PLCG2: variants seen among roughly 807,000 people sequenced by gnomAD.
PLCG2 encodes the protein 1-phosphatidylinositol 4,5-bisphosphate phosphodiesterase gamma-2.
A neutral mutation model predicts 175.6 loss-of-function variants in PLCG2; 69 were observed. The observed-to-expected ratio is 0.39, with a 90% CI of 0.32 to 0.48. The LOEUF (loss-of-function observed/expected upper bound fraction) is 0.48, where lower values mean the gene tolerates loss of function less well. PLCG2 is among the 20% of genes least tolerant of loss of function. The pLI, the probability that PLCG2 is intolerant of heterozygous loss-of-function variation, is 0.91. For synonymous variants in PLCG2, 827 were observed against 624.0 expected (o/e 1.33, Z -4.85); for missense variants, 1,798 against 1,650.9 (o/e 1.09, Z -1.54).
At chr16:81,844,205 G>C (rs547279906) in intron 2 of PLCG2, among the ~76,000 whole-genome samples, 1 of 146,604 alleles carries the variant, frequency 6.8e-6, no homozygotes, top group African/African-American at 2.5e-5. Context: ...GTGTTAGCCA[G>C]GATGGTCTCT....
chr16:81,847,577 C>T lies in PLCG2; in HGVS notation c.194-6867C>T, dbSNP rs116799253. ...TCCAAGGGTGTTAGGGGTTGTGTGCCAGAAAATGGGGTTGGAGACCAAATA... is the reference window on the plus strand; with the variant it reads ...TCCAAGGGTGTTAGGGGTTGTGTGCTAGAAAATGGGGTTGGAGACCAAATA... On this transcript the variant is annotated intron_variant, in intron 2 of 32. Coordinates refer to ENST00000564138, the MANE Select transcript of PLCG2 (RefSeq NM_002661.5). Among the ~76,000 whole-genome samples the T allele has an allele frequency of 3.4e-3, 511 of 152,176 alleles. 5 individuals carry two copies. Among genetic ancestry groups the T allele is most frequent in the African/African-American group, 0.012 (486 of 41,510 alleles).
chr16:81,955,586 G>T (rs888245263), intron 31 of PLCG2, among the ~76,000 whole-genome samples: 1 of 152,174 alleles, frequency 6.6e-6, no homozygotes, highest in Non-Finnish European at 1.5e-5. Context: ...TCTTGTTTCA[G>T]TCATGGCTGA....
intron 2 of PLCG2, among the ~76,000 whole-genome samples, chr16:81,787,815 A>G (rs1911049738): frequency 6.6e-6 from 1 of 152,142 alleles, no homozygotes; most frequent in Non-Finnish European, 1.5e-5. Flanking sequence ...TTTCATAGAA[A>G]TGGATCCTAT....
intron 6 of PLCG2, among the ~76,000 whole-genome samples, chr16:81,869,539 AC>A: frequency 1.3e-5 from 2 of 152,248 alleles, no homozygotes; most frequent in Middle Eastern, 3.4e-3. Context: ...TGGAACATCT[AC>A]CCTCAGACCT....
chr16:81,863,523 CTGTT>C (rs751495366), intron 5 of PLCG2, among the ~76,000 whole-genome samples: 12 of 152,204 alleles, frequency 7.9e-5, no homozygotes, highest in Non-Finnish European at 1.3e-4. Flanking sequence ...GTGTACAAAT[CTGTT>C]TGAGTCTCTG....
chr16:81,888,395 T>A (rs1426823787), intron 9 of PLCG2, among the ~76,000 whole-genome samples: 3 of 150,446 alleles, frequency 2.0e-5, no homozygotes, highest in South Asian at 2.1e-4. Context: ...AAAAAAAAAA[T>A]GTTTGTATTT....
intron 24 of PLCG2, 182 bp downstream of exon 24, chr16:81,928,806 T>A: frequency 1.8e-6 from 1 of 549,298 alleles, no homozygotes. Flanking sequence ...TGTCTGCTAT[T>A]AATCTCTACT....
intron 15 of PLCG2, 68 bp downstream of exon 15, chr16:81,905,575 T>A: frequency 9.9e-7 from 1 of 1,005,604 alleles, no homozygotes; most frequent in Non-Finnish European, 1.6e-6. Context: ...GGAGCCCTGC[T>A]GGGAGCTCTG....
intron 1 of PLCG2, among the ~76,000 whole-genome samples, chr16:81,740,796 T>A (rs1216172503): frequency 7.0e-6 from 1 of 142,002 alleles, no homozygotes; most frequent in Non-Finnish European, 1.5e-5. Flanking sequence ...AAGCTTCCTC[T>A]TCCCACTGTG....
chr16:81,785,426 A>G (rs1048627857), intron 1 of PLCG2, among the ~76,000 whole-genome samples: 10 of 151,980 alleles, frequency 6.6e-5, no homozygotes, highest in East Asian at 1.9e-4. Flanking sequence ...CCTCATTTCT[A>G]TGCAGAGGAA....
intron 2 of PLCG2, among the ~76,000 whole-genome samples, chr16:81,848,604 C>T (rs996506094): frequency 6.6e-6 from 1 of 152,176 alleles, no homozygotes; most frequent in African/African-American, 2.4e-5. Flanking sequence ...CCTCCTCTGT[C>T]CTTCTTCCTC....
intron 2 of PLCG2, among the ~76,000 whole-genome samples, chr16:81,789,207 A>ACAG (rs1236969583): frequency 4.1e-4 from 63 of 152,370 alleles, no homozygotes; most frequent in African/African-American, 1.5e-3. Flanking sequence ...TGGGCATGAG[A>ACAG]CAGGATTTTG....
At chr16:81,858,395 T>G in intron 4 of PLCG2, 39 bp downstream of exon 4, 1 of 1,347,058 alleles carries the variant, frequency 7.4e-7, no homozygotes, top group Non-Finnish European at 1.1e-6. Context: ...TAGTTGCTGA[T>G]TCCTTTATTC....
intron 2 of PLCG2, among the ~76,000 whole-genome samples, chr16:81,813,077 G>C (rs373135056): frequency 6.6e-6 from 1 of 152,154 alleles, no homozygotes; most frequent in Non-Finnish European, 1.5e-5. Flanking sequence ...GTTGACCATA[G>C]CCTTGTAGTA....
At chr16:81,789,393 T>G (rs188561904) in intron 2 of PLCG2, among the ~76,000 whole-genome samples, 8 of 152,320 alleles carry the variant, frequency 5.3e-5, no homozygotes, top group Middle Eastern at 6.8e-3. Flanking sequence ...TGGGCTCAAG[T>G]GATCCTCCTG....
At position 81,933,906 on chromosome 16, in the gene PLCG2, G is replaced by A. The variant is rs75575323; in HGVS notation, c.2740-523G>A. 4.1e-3 allele frequency among the ~76,000 whole-genome samples: 628 copies of A among 152,336 alleles called. 4 individuals are homozygous for A. Among genetic ancestry groups the A allele is most frequent in the African/African-American group, 0.015 (605 of 41,572 alleles). On this transcript the variant is annotated intron_variant, in intron 25 of 32. Transcript: ENST00000564138. The stretch of plus-strand genomic sequence containing the variant: ...TCTTCTGAAGGGAGGTACCTCCTGA[G>A]TCCATGGCACATGGCCTGGGCACTG...
intron 32 of PLCG2, among the ~76,000 whole-genome samples, chr16:81,957,480 G>A (rs1294996460): frequency 6.6e-6 from 1 of 152,136 alleles, no homozygotes; most frequent in Non-Finnish European, 1.5e-5. Context: ...TGACTTTTAA[G>A]GAGTACTTAT....
chr16:81,905,010 C>A (rs1909305388), intron 14 of PLCG2, among the ~76,000 whole-genome samples: 1 of 152,208 alleles, frequency 6.6e-6, no homozygotes, highest in Non-Finnish European at 1.5e-5. Context: ...GTCTCAGCCT[C>A]CTGAGTAGCT....
At chr16:81,890,185 T>G (rs1171274866) in intron 10 of PLCG2, among the ~76,000 whole-genome samples, 1 of 152,188 alleles carries the variant, frequency 6.6e-6, no homozygotes, top group African/African-American at 2.4e-5. Context: ...AGGAAGTTGC[T>G]AATCTTGTAA....
Sources: gnomAD v4.1 joint callset for allele counts (sites outside exome capture counted in the v4.1 genomes callset) on GRCh38, gnomAD v4.1.1 for gene constraint, MANE v1.5 for transcripts, NCBI Gene and HGNC (gene_info 2026-07-23, HGNC 2026-07-21) for gene names.